Variants in SYNJ1 observed in about 807,000 individuals in gnomAD.
The protein encoded by SYNJ1 is polyphosphatidylinositol phosphatase SYNJ1.
Under a neutral mutation model 168.2 loss-of-function variants are expected in SYNJ1, and 78 were observed. The observed-to-expected ratio is 0.46, with a 90% CI of 0.39 to 0.56. SYNJ1 has a LOEUF of 0.56. SYNJ1 is among the 20% of genes least tolerant of loss of function. The pLI is 0.00. For synonymous variants in SYNJ1, 539 were observed against 548.6 expected (o/e 0.98, Z 0.24); for missense variants, 1,303 against 1,597.6 (o/e 0.82, Z 3.14).
intron 18 of SYNJ1, 108 bp downstream of exon 18, chr21:32,664,805 A>G: frequency 1.1e-6 from 1 of 946,716 alleles, no homozygotes; most frequent in Non-Finnish European, 1.6e-6. Context: ...ACAGATGCAT[A>G]TTTAAGTACA....
At chr21:32,714,242 G>GT (rs2042943332) in intron 2 of SYNJ1, among the ~76,000 whole-genome samples, 1 of 152,170 alleles carries the variant, frequency 6.6e-6, no homozygotes, top group South Asian at 2.1e-4. Flanking sequence ...AGGTAAAGTG[G>GT]TAACAGGTTG....
At chr21:32,634,734 G>C in intron 32 of SYNJ1, 127 bp downstream of exon 32, 1 of 942,554 alleles carries the variant, frequency 1.1e-6, no homozygotes, top group Non-Finnish European at 1.6e-6. Context: ...TGGTATGATA[G>C]AATTTATTAA....
intron 2 of SYNJ1, among the ~76,000 whole-genome samples, chr21:32,708,101 T>TA (rs1312708771): frequency 2.6e-5 from 4 of 152,180 alleles, no homozygotes; most frequent in Non-Finnish European, 5.9e-5. Flanking sequence ...ACTCCTCAGT[T>TA]ACGTCTGGAA....
chr21:32,646,318 C>T (rs2040066370), intron 24 of SYNJ1, 75 bp downstream of exon 24: 1 of 1,469,710 alleles, frequency 6.8e-7, no homozygotes, highest in African/African-American at 1.4e-5. Context: ...AGGTATGAAA[C>T]TTAAACGATG....
intron 31 of SYNJ1, among the ~76,000 whole-genome samples, chr21:32,637,399 CTTTT>C (rs1385075880): frequency 1.5e-5 from 2 of 137,408 alleles, no homozygotes; most frequent in Non-Finnish European, 3.1e-5. Context: ...CTCAATTTTT[CTTTT>C]TTCTTTTTTT....
At chr21:32,705,573 AT>A (rs1262396369) in intron 2 of SYNJ1, among the ~76,000 whole-genome samples, 18 of 152,306 alleles carry the variant, frequency 1.2e-4, no homozygotes, top group African/African-American at 4.1e-4. Context: ...AATAAGAGTA[AT>A]GGGTTATAAG....
Position 32,688,263 on chromosome 21 carries a change from T to C in SYNJ1, c.851+43A>G, listed in dbSNP as rs73194279. 0.022 allele frequency: 34,883 copies of C among 1,584,904 alleles called. 457 individuals are homozygous for C. Among genetic ancestry groups the C allele is most frequent in the Non-Finnish European group, 0.026 (29,977 of 1,161,782 alleles). ...AGTAAATACAAGCAGTCCCACTGCT[T>C]AGCAATATCAAAACTTAAAGCACTA... On this transcript the variant is annotated intron_variant, in intron 7 of 32. Transcript: ENST00000674351.
chr21:32,710,081 T>C (rs1032792028), intron 2 of SYNJ1, among the ~76,000 whole-genome samples: 3 of 151,940 alleles, frequency 2.0e-5, no homozygotes, highest in Non-Finnish European at 4.4e-5. Context: ...CAGACACCTG[T>C]AATCCCAGCT....
chr21:32,719,877 TA>T (rs536962255), intron 2 of SYNJ1, among the ~76,000 whole-genome samples: 2 of 151,820 alleles, frequency 1.3e-5, no homozygotes, highest in Non-Finnish European at 2.9e-5. Context: ...GGGACACAAA[TA>T]TTTTTTGGAC....
chr21:32,715,687 T>C (rs1182384721), intron 2 of SYNJ1, among the ~76,000 whole-genome samples: 1 of 152,132 alleles, frequency 6.6e-6, no homozygotes, highest in African/African-American at 2.4e-5. Context: ...CCTTTATATA[T>C]AAAAAGTTAA....
At chr21:32,716,508 A>G (rs1276032565) in intron 2 of SYNJ1, among the ~76,000 whole-genome samples, 4 of 152,218 alleles carry the variant, frequency 2.6e-5, no homozygotes, top group Non-Finnish European at 5.9e-5. Context: ...ATTGCTTGCA[A>G]AGAAAAGTCT....
In SYNJ1 at chr21:32,657,265, T is replaced by C. The variant is rs145087417; in HGVS notation, c.2462-145A>G. ...AACACTTGGTAATAGGCAGGCAGTC[T>C]AAATACCTTTAAATTCGAAAGGTTT... On this transcript the variant is annotated intron_variant, in intron 19 of 32. Transcript: ENST00000674351. 6.7e-6 allele frequency: 4 copies of C among 599,442 alleles called. No individual in the cohort carries two copies. In the East Asian group the frequency reaches 8.3e-5, roughly 13 times the overall value. The allele number at this position is 599,442 out of a possible 1,614,324, so 37.1% of individuals were successfully genotyped here.
intron 15 of SYNJ1, among the ~76,000 whole-genome samples, chr21:32,667,972 G>A (rs1275822738): frequency 6.6e-6 from 1 of 150,402 alleles, no homozygotes; most frequent in Non-Finnish European, 1.5e-5. Flanking sequence ...TTAAATAAAT[G>A]AATAAATATT....
chr21:32,722,784 A>C (rs2043295115), intron 2 of SYNJ1, among the ~76,000 whole-genome samples: 1 of 152,184 alleles, frequency 6.6e-6, no homozygotes, highest in African/African-American at 2.4e-5. Flanking sequence ...ACCTGAGCAG[A>C]ATTCCATATG....
At chr21:32,673,082 T>G (rs1370984411) in intron 14 of SYNJ1, among the ~76,000 whole-genome samples, 2 of 152,196 alleles carry the variant, frequency 1.3e-5, no homozygotes, top group Admixed American at 1.3e-4. Context: ...AATTCCTATT[T>G]CCTGAGAATC....
intron 7 of SYNJ1, among the ~76,000 whole-genome samples, 173 bp downstream of exon 7, chr21:32,688,133 C>T (rs1288061176): frequency 6.6e-6 from 1 of 152,058 alleles, no homozygotes; most frequent in African/African-American, 2.4e-5. Flanking sequence ...CCCACACTTC[C>T]AGCACTACCA....
rs1221433954 is a variant in SYNJ1 at position 32,681,666 on chromosome 21, A to T, written c.1201-18T>A. The T allele has an allele frequency of 6.3e-7, 1 of 1,599,120 alleles. No individual in the cohort carries two copies. On this transcript the variant is annotated intron_variant, in intron 10 of 32. Transcript: ENST00000674351. The stretch of plus-strand genomic sequence containing the variant: ...GCTAGCATCTTAAAAAGCAAACAAG[A>T]AATTTTTATAAGTACATTAATATAT...
rs746423701 is a variant in SYNJ1, at chr21:32,650,212, T to C, written c.3009A>G (p.Ala1003=). ...STSSTLLGED[A]EVAADFDMEG... is the part of the protein sequence containing the mutation. The stretch of plus-strand genomic sequence containing the variant: ...CCATATCAAAATCTGCTGCAACCTC[T>C]GCATCTTCACCAAGCAGGGTAGAGC... The change falls in exon 23 of 33, where the codon GCA becomes GCG. Residue 1003 remains alanine (A), a synonymous_variant. Coordinates refer to ENST00000674351, the MANE Select transcript of SYNJ1 (RefSeq NM_203446.3). 6.2e-7 allele frequency: 1 copy of C among 1,609,594 alleles called. No individual in the cohort carries two copies. The highest frequency in any genetic ancestry group is 2.2e-5 in the East Asian group (1 of 44,778).
At position 32,701,997 on chromosome 21, in the gene SYNJ1, C is replaced by T. The variant is rs771831086; in HGVS notation, c.175G>A (p.Ala59Thr). 4.4e-6 allele frequency: 7 copies of T among 1,576,956 alleles called. No individual in the cohort carries two copies. Among genetic ancestry groups the T allele is most frequent in the Middle Eastern group, 1.7e-4 (1 of 5,922 alleles). The change falls in exon 3 of 33, where the codon GCA (alanine) becomes ACA (threonine). Residue 59 changes from alanine to threonine, a missense_variant. By Grantham distance (58) the Ala-to-Thr change is moderately conservative. This residue lies in a region of SYNJ1 where 920 missense variants were observed against 1,208.8 expected (regional missense o/e 0.76). Transcript: ENST00000674351. The part of the protein sequence containing the change: ...IKGTYSKVLD[A>T]YGLLGVLRLN... ...CGCAGAACACCTAAGAGTCCATATG[C>T]ATCCAGTACTTTGGAGTATGTACCC...
Sources: allele counts gnomAD v4.1 joint callset (sites outside exome capture counted in the v4.1 genomes callset), GRCh38; gene constraint gnomAD v4.1.1; regional missense constraint gnomAD v4.1.1; transcripts MANE v1.5; gene names NCBI Gene and HGNC (gene_info 2026-07-23, HGNC 2026-07-21).